The following PTPRT variants were observed in gnomAD, a reference collection of about 807,000 sequenced individuals.
PTPRT encodes protein tyrosine phosphatase receptor type T.
PTPRT carries 56 observed loss-of-function variants against 176.8 expected under a neutral mutation model. The ratio of observed to expected loss-of-function variants is 0.32; its 90% confidence interval spans 0.26 to 0.40. The LOEUF is 0.40. Ranked by LOEUF, PTPRT falls within the 10% of genes least tolerant of loss-of-function variation. The pLI is 1.00. For missense variants in PTPRT, 1,540 were observed against 1,908.2 expected (o/e 0.81, Z 3.60); for synonymous variants, 783 against 739.0 (o/e 1.06, Z -0.96).
chr20:42,766,531 A>G (rs2145441526), intron 5 of PTPRT, among the ~76,000 whole-genome samples: 1 of 152,330 alleles, frequency 6.6e-6, no homozygotes, highest in East Asian at 1.9e-4. Context: ...TTCTAAAGAC[A>G]TATAAAGTTT....
At chr20:42,720,690 G>C (rs550369160) in intron 6 of PTPRT, among the ~76,000 whole-genome samples, 1 of 152,246 alleles carries the variant, frequency 6.6e-6, no homozygotes, top group South Asian at 2.1e-4. Context: ...AGTTATACTG[G>C]ATTTTCTCCA....
At chr20:42,618,384 G>T (rs566918889) in intron 7 of PTPRT, among the ~76,000 whole-genome samples, 1 of 135,964 alleles carries the variant, frequency 7.4e-6, no homozygotes, top group East Asian at 2.0e-4. Flanking sequence ...TTTGGAATAG[G>T]TGTGTTGTGG....
chr20:42,275,957 C>G (rs1292270976), intron 13 of PTPRT, among the ~76,000 whole-genome samples: 1 of 152,110 alleles, frequency 6.6e-6, no homozygotes, highest in African/African-American at 2.4e-5. Flanking sequence ...TGAGCTTTCA[C>G]CTCCAAAAGT....
intron 7 of PTPRT, among the ~76,000 whole-genome samples, chr20:42,565,383 C>T (rs566354737): frequency 3.9e-5 from 6 of 152,140 alleles, no homozygotes; most frequent in African/African-American, 9.7e-5. Context: ...ATATTCCATC[C>T]GGCCAGAAAT....
chr20:42,096,578 G>A (rs1244505304), intron 27 of PTPRT, among the ~76,000 whole-genome samples: 2 of 152,080 alleles, frequency 1.3e-5, no homozygotes, highest in African/African-American at 2.4e-5. Context: ...TACTCCAGTC[G>A]GGATGACACA....
In PTPRT at chr20:42,383,075, A is replaced by C. The variant is rs920176357; in HGVS notation, c.1561-30790T>G. Among the ~76,000 whole-genome samples, 3 of 152,224 alleles carry C rather than the reference A, an allele frequency of 2.0e-5. No individual in the cohort carries two copies. The East Asian group carries it at 5.8e-4, about 29-fold the overall frequency. On this transcript the variant is annotated intron_variant, in intron 9 of 30. Transcript: ENST00000373187. ...CCTCAGTTTCCTCAATTTAAAAATG[A>C]ATCTGCCTGAAGACTTCCTGGTATC... is the stretch of plus-strand genomic sequence containing the variant.
intron 1 of PTPRT, among the ~76,000 whole-genome samples, chr20:43,090,008 T>C (rs2146304057): frequency 6.6e-6 from 1 of 152,286 alleles, no homozygotes; most frequent in African/African-American, 2.4e-5. Flanking sequence ...GCCAATCAAC[T>C]CACCTGCCCG....
intron 7 of PTPRT, among the ~76,000 whole-genome samples, chr20:42,601,968 A>T (rs1263693252): frequency 6.6e-6 from 1 of 152,194 alleles, no homozygotes; most frequent in African/African-American, 2.4e-5. Flanking sequence ...ATAACAAGCA[A>T]CAAAAACTGA....
At chr20:42,050,099 G>A in the PTPRT span, among the ~76,000 whole-genome samples, 1 of 152,264 alleles carries the variant, frequency 6.6e-6, no homozygotes, top group Admixed American at 6.5e-5. Context: ...TTGGATATTT[G>A]GCTTCTTCTC....
chr20:42,042,301 G>A, the PTPRT span, among the ~76,000 whole-genome samples: 1 of 152,152 alleles, frequency 6.6e-6, no homozygotes, highest in Non-Finnish European at 1.5e-5. Context: ...TTTTCCTGGA[G>A]ATTAGGCCCA....
At chr20:42,877,414 T>C (rs2078951322) in intron 2 of PTPRT, among the ~76,000 whole-genome samples, 1 of 152,088 alleles carries the variant, frequency 6.6e-6, no homozygotes, top group African/African-American at 2.4e-5. Flanking sequence ...CACAATCCAC[T>C]GAGACTCAAC....
Position 42,210,849 on chromosome 20 carries a change from C to G in PTPRT, c.2343-11461G>C, listed in dbSNP as rs1043195534. Reference sequence around the variant, plus strand: ...GCCCACATCGCCAAGTCAATCCTAACCCAAAAGAACAAAGCTGGAGGCATC... The same window carrying G: ...GCCCACATCGCCAAGTCAATCCTAAGCCAAAAGAACAAAGCTGGAGGCATC... On this transcript the variant is annotated intron_variant, in intron 15 of 30. Coordinates refer to ENST00000373187, the MANE Select transcript of PTPRT (RefSeq NM_007050.6). Among the ~76,000 whole-genome samples, 326 of 152,158 alleles carry G rather than the reference C, an allele frequency of 2.1e-3. 2 individuals carry two copies. The highest frequency in any genetic ancestry group is 7.0e-3 in the African/African-American group (292 of 41,498).
intron 2 of PTPRT, among the ~76,000 whole-genome samples, chr20:42,851,787 C>T (rs1008279881): frequency 2.0e-5 from 3 of 152,204 alleles, no homozygotes; most frequent in Admixed American, 6.5e-5. Context: ...TGTTTCAATA[C>T]ATTTAATTTA....
At chr20:42,136,086 A>G (rs918412652) in intron 18 of PTPRT, among the ~76,000 whole-genome samples, 1 of 152,142 alleles carries the variant, frequency 6.6e-6, no homozygotes, top group African/African-American at 2.4e-5. Flanking sequence ...ATCACCAAAG[A>G]TAGCCCAGTA....
intron 1 of PTPRT, among the ~76,000 whole-genome samples, chr20:43,018,170 C>A (rs539924677): frequency 6.6e-6 from 1 of 152,282 alleles, no homozygotes; most frequent in Non-Finnish European, 1.5e-5. Flanking sequence ...TCTGAAGAAC[C>A]AGCCCAGGGC....
At chr20:42,097,542 G>C (rs367686115) in intron 27 of PTPRT, among the ~76,000 whole-genome samples, 1 of 152,142 alleles carries the variant, frequency 6.6e-6, no homozygotes, top group Non-Finnish European at 1.5e-5. Context: ...GCACTTCACT[G>C]CTGACCTCTA....
intron 7 of PTPRT, among the ~76,000 whole-genome samples, chr20:42,556,043 G>C (rs1601257679): frequency 6.6e-6 from 1 of 152,290 alleles, no homozygotes; most frequent in East Asian, 1.9e-4. Flanking sequence ...CTGAGGCCCA[G>C]AGAAGTGATG....
At chr20:42,571,107 T>C (rs2073146051) in intron 7 of PTPRT, among the ~76,000 whole-genome samples, 1 of 152,244 alleles carries the variant, frequency 6.6e-6, no homozygotes, top group South Asian at 2.1e-4. Flanking sequence ...TGGCCCATGC[T>C]GATGCTGTAA....
intron 1 of PTPRT, among the ~76,000 whole-genome samples, chr20:42,931,622 G>A (rs1979853108): frequency 1.3e-5 from 2 of 152,212 alleles, no homozygotes; most frequent in South Asian, 2.1e-4. Context: ...AGCAAGCACT[G>A]TGCAGGCTTC....
Sources: gnomAD v4.1 joint callset for allele counts (sites outside exome capture counted in the v4.1 genomes callset) on GRCh38, gnomAD v4.1.1 for gene constraint, MANE v1.5 for transcripts, NCBI Gene and HGNC (gene_info 2026-07-23, HGNC 2026-07-21) for gene names.